Variants in MAP3K15 observed in about 807,000 individuals in gnomAD.
The protein encoded by MAP3K15 is mitogen-activated protein kinase kinase kinase 15, also known as MAPK/ERK kinase kinase 15.
MAP3K15 carries 124 observed loss-of-function variants against 99.5 expected under a neutral mutation model. The observed-to-expected ratio is 1.25, with a 90% CI of 1.08 to 1.45. MAP3K15 has a LOEUF of 1.45. Among genes scored for constraint, MAP3K15 ranks in the 40% most tolerant of loss-of-function variants. MAP3K15 has a pLI of 0.00. For missense variants in MAP3K15, 1,242 were observed against 1,079.7 expected, an observed-to-expected ratio of 1.15 and a Z score of -2.11; for synonymous variants, 494 against 439.6, an observed-to-expected ratio of 1.12 and a Z score of -1.55.
At chrX:19,475,403 G>A (rs1220289642) in intron 3 of MAP3K15, among the ~76,000 whole-genome samples, 3 of 111,207 alleles carry the variant, frequency 2.7e-5, no homozygotes, top group African/African-American at 6.6e-5. Flanking sequence ...TGTGCGGCCC[G>A]GTCGGGTGGC....
chrX:19,437,463 C>T (rs2063929935), intron 6 of MAP3K15, among the ~76,000 whole-genome samples: 1 of 111,611 alleles, frequency 9.0e-6, no homozygotes, highest in Admixed American at 9.6e-5. Flanking sequence ...GCTACACAAG[C>T]TTCCTTGCTG....
At chrX:19,506,647 C>A (rs1222596431) in intron 1 of MAP3K15, among the ~76,000 whole-genome samples, 6 of 111,170 alleles carry the variant, frequency 5.4e-5, no homozygotes, top group Non-Finnish European at 1.1e-4. Context: ...CTCAGCCTCC[C>A]AAGTAGCTGG....
At chrX:19,414,728 G>A (rs1330532184) in intron 10 of MAP3K15, among the ~76,000 whole-genome samples, 1 of 111,994 alleles carries the variant, frequency 8.9e-6, no homozygotes, top group East Asian at 2.8e-4. Context: ...GACATTTTGG[G>A]CTGGATAATT....
intron 18 of MAP3K15, among the ~76,000 whole-genome samples, chrX:19,391,010 T>C (rs1446605423): frequency 8.9e-6 from 1 of 112,007 alleles, no homozygotes; most frequent in Non-Finnish European, 1.9e-5. Flanking sequence ...TTGACCATCA[T>C]TCTACTTATT....
chrX:19,473,729 G>A (rs560605015), intron 3 of MAP3K15, among the ~76,000 whole-genome samples: 1 of 110,935 alleles, frequency 9.0e-6, no homozygotes, highest in African/African-American at 3.3e-5. Flanking sequence ...AAAGGTTTTA[G>A]TTCCTGACCT....
At chrX:19,496,689 T>C (rs769120409) in intron 1 of MAP3K15, 1 of 111,380 alleles carries the variant, frequency 9.0e-6, no homozygotes, top group South Asian at 3.8e-4. Context: ...ATTTCTTAAT[T>C]AGGTCTTGTT....
chrX:19,395,023 T>C, intron 16 of MAP3K15, 58 bp downstream of exon 16: 2 of 1,164,273 alleles, frequency 1.7e-6, no homozygotes, highest in Non-Finnish European at 2.3e-6. Flanking sequence ...GGACAACAAA[T>C]GACATCCACG....
intron 1 of MAP3K15, among the ~76,000 whole-genome samples, chrX:19,508,471 C>A (rs928585251): frequency 8.9e-6 from 1 of 112,642 alleles, no homozygotes; most frequent in Non-Finnish European, 1.9e-5. Flanking sequence ...CGTGCCCGGC[C>A]TGGAGATGGA....
At chrX:19,447,243 G>A (rs1290618974) in intron 6 of MAP3K15, among the ~76,000 whole-genome samples, 1 of 111,692 alleles carries the variant, frequency 9.0e-6, no homozygotes, top group Non-Finnish European at 1.9e-5. Flanking sequence ...TTCCTGGGAA[G>A]TAAAGTGACT....
intron 9 of MAP3K15, among the ~76,000 whole-genome samples, chrX:19,415,539 A>G (rs1425458611): frequency 2.7e-5 from 3 of 111,878 alleles, no homozygotes; most frequent in African/African-American, 9.8e-5. Context: ...ATTGGAAAGC[A>G]TGTGGTAACT....
At chrX:19,409,211 T>G (rs1404902622) in intron 12 of MAP3K15, among the ~76,000 whole-genome samples, 1 of 111,676 alleles carries the variant, frequency 9.0e-6, no homozygotes, top group Non-Finnish European at 1.9e-5. Context: ...TGAGGTAGCC[T>G]CAGAGTCAGA....
intron 5 of MAP3K15, among the ~76,000 whole-genome samples, chrX:19,459,774 C>T (rs1275627212): frequency 1.8e-5 from 2 of 111,918 alleles, no homozygotes; most frequent in East Asian, 2.8e-4. Context: ...AGCTTGAACC[C>T]GGGAGGCTGA....
chrX:19,464,018 G>A (rs1429436868), intron 4 of MAP3K15, among the ~76,000 whole-genome samples, 195 bp downstream of exon 4: 2 of 111,298 alleles, frequency 1.8e-5, no homozygotes, highest in Admixed American at 9.7e-5. Flanking sequence ...GGCCAGACAC[G>A]GGCTCAATCC....
intron 1 of MAP3K15, among the ~76,000 whole-genome samples, chrX:19,512,642 CTTTT>C (rs896407684): frequency 3.1e-4 from 22 of 71,212 alleles, no homozygotes; most frequent in African/African-American, 1.1e-3. Context: ...CCACATCCTG[CTTTT>C]TTTTTTTTTT....
intron 15 of MAP3K15, among the ~76,000 whole-genome samples, chrX:19,396,220 C>A (rs747985638): frequency 8.9e-5 from 10 of 111,969 alleles, no homozygotes; most frequent in South Asian, 3.7e-4. Context: ...CCAGTGCCAG[C>A]CCAGAGTCTG....
At chrX:19,399,289 G>A (rs947048163) in intron 14 of MAP3K15, among the ~76,000 whole-genome samples, 2 of 111,412 alleles carry the variant, frequency 1.8e-5, no homozygotes, top group Admixed American at 9.5e-5. Flanking sequence ...TAGGCCAGGC[G>A]TGGTGGCTCA....
intron 3 of MAP3K15, among the ~76,000 whole-genome samples, chrX:19,483,750 T>C (rs2064306689): frequency 8.9e-6 from 1 of 111,908 alleles, no homozygotes; most frequent in Non-Finnish European, 1.9e-5. Flanking sequence ...CAAGTTACTT[T>C]GACATTCTAT....
At chrX:19,404,522 G>A (rs993208335) in intron 13 of MAP3K15, among the ~76,000 whole-genome samples, 41 of 111,988 alleles carry the variant, frequency 3.7e-4, no homozygotes, top group African/African-American at 1.3e-3. Flanking sequence ...ACGTGGAAAT[G>A]CAAGCATCCA....
chrX:19,388,187 C>T (rs958827540), intron 18 of MAP3K15, among the ~76,000 whole-genome samples: 5 of 112,355 alleles, frequency 4.5e-5, no homozygotes, highest in African/African-American at 1.6e-4. Context: ...GGGTCTTGCT[C>T]TGTCACCCAG....
Sources: allele counts gnomAD v4.1 joint callset (sites outside exome capture counted in the v4.1 genomes callset), GRCh38; gene constraint gnomAD v4.1.1; transcripts MANE v1.5; gene names NCBI Gene and HGNC (gene_info 2026-07-23, HGNC 2026-07-21).